COL19A1: variants seen among roughly 807,000 people sequenced by gnomAD.
COL19A1 encodes collagen alpha-1(XIX) chain.
COL19A1 carries 159 observed loss-of-function variants against 190.2 expected under a neutral mutation model. The ratio of observed to expected loss-of-function variants is 0.84; its 90% CI spans 0.73 to 0.95. The LOEUF is 0.95. COL19A1 is among the 40% of genes least tolerant of loss of function. The pLI, the probability that COL19A1 is intolerant of heterozygous loss-of-function variation, is 0.00. For missense variants in COL19A1, 1,418 were observed against 1,431.9 expected (o/e 0.99, Z 0.16); for synonymous variants, 509 against 458.9 (o/e 1.11, Z -1.39).
At chr6:70,200,297 T>C (rs891570699) in intron 49 of COL19A1, among the ~76,000 whole-genome samples, 3 of 152,236 alleles carry the variant, frequency 2.0e-5, no homozygotes, top group African/African-American at 7.2e-5. Flanking sequence ...CCAACTTATA[T>C]TGGCAAAGAA....
At chr6:69,963,546 C>T (rs1179239787) in intron 11 of COL19A1, among the ~76,000 whole-genome samples, 2 of 152,186 alleles carry the variant, frequency 1.3e-5, no homozygotes, top group East Asian at 1.9e-4. Context: ...GGGCAATAAA[C>T]ACCTCCATCC....
chr6:69,894,277 C>T (rs1386459434), intron 2 of COL19A1, among the ~76,000 whole-genome samples: 1 of 152,196 alleles, frequency 6.6e-6, no homozygotes, highest in African/African-American at 2.4e-5. Context: ...GCTTTGTGTG[C>T]TAACTGCAGC....
At chr6:70,050,916 G>T (rs1415575207) in intron 14 of COL19A1, among the ~76,000 whole-genome samples, 1 of 151,984 alleles carries the variant, frequency 6.6e-6, no homozygotes, top group Non-Finnish European at 1.5e-5. Context: ...GTCATATTTT[G>T]CAAAATAGAG....
intron 14 of COL19A1, among the ~76,000 whole-genome samples, chr6:70,064,988 C>T (rs576808908): frequency 8.2e-4 from 125 of 152,300 alleles, no homozygotes; most frequent in Middle Eastern, 3.4e-3. Flanking sequence ...ACATTCAATG[C>T]TCATGGAGAG....
intron 11 of COL19A1, among the ~76,000 whole-genome samples, chr6:69,999,080 A>G (rs115210750): frequency 0.04 from 6,063 of 151,284 alleles, 407 homozygotes; most frequent in African/African-American, 0.13. Flanking sequence ...GCACACCACC[A>G]CACTCGGATA....
intron 1 of COL19A1, among the ~76,000 whole-genome samples, chr6:69,873,265 C>A (rs77272118): frequency 2.0e-5 from 3 of 149,756 alleles, no homozygotes; most frequent in Non-Finnish European, 1.5e-5. Context: ...AAAAAAAAAA[C>A]GATCCTTAAT....
Position 70,190,363 on chromosome 6 carries a change from G to A in COL19A1, c.3076G>A (p.Val1026Ile), listed in dbSNP as rs753806304. ...EEIKKYINQEVLRIFEERMAV... is the reference protein window; with the variant it reads ...EEIKKYINQEILRIFEERMAV... ...AATAAAGAAGTATATTAATCAAGAG[G>A]TCCTAAGGATTTTTGAAGGTTAGAT... The change falls in exon 48 of 51, where the codon GTC becomes ATC. Residue 1026 changes from valine (V) to isoleucine (I), a missense_variant. By Grantham distance (29) the Val-to-Ile change is conservative. Transcript: ENST00000620364. The A allele has an allele frequency of 6.2e-7, 1 of 1,603,370 alleles. No homozygotes were observed. Among genetic ancestry groups the A allele is most frequent in the Non-Finnish European group, 8.5e-7 (1 of 1,173,546 alleles).
intron 15 of COL19A1, among the ~76,000 whole-genome samples, chr6:70,073,578 T>C (rs1205821386): frequency 6.6e-6 from 1 of 152,214 alleles, no homozygotes; most frequent in African/African-American, 2.4e-5. Context: ...CTTTTTTCAC[T>C]ACTACTCTGT....
chr6:69,919,222 G>A (rs146690900), intron 4 of COL19A1, among the ~76,000 whole-genome samples: 2 of 152,092 alleles, frequency 1.3e-5, no homozygotes, highest in Non-Finnish European at 2.9e-5. Context: ...TCTCTGCTCT[G>A]TGCTTTCCAA....
intron 18 of COL19A1, 123 bp downstream of exon 18, chr6:70,130,346 C>T (rs1582985240): frequency 1.4e-6 from 1 of 713,922 alleles, no homozygotes; most frequent in East Asian, 3.1e-5. Context: ...CTGCCTCAGC[C>T]TCCCAAGTAG....
chr6:70,168,750 C>A (rs376193658), intron 40 of COL19A1, 69 bp downstream of exon 40: 1 of 1,552,078 alleles, frequency 6.4e-7, no homozygotes, highest in Non-Finnish European at 8.8e-7. Flanking sequence ...AGAAAAGCAT[C>A]GGGCAAAATG....
chr6:69,984,521 G>A (rs1172605039), intron 11 of COL19A1, among the ~76,000 whole-genome samples: 2 of 151,640 alleles, frequency 1.3e-5, no homozygotes, highest in Non-Finnish European at 2.9e-5. Flanking sequence ...AGCATTTTTT[G>A]GTATTCATAA....
At chr6:70,080,346 G>A (rs1176742703) in intron 15 of COL19A1, among the ~76,000 whole-genome samples, 1 of 152,178 alleles carries the variant, frequency 6.6e-6, no homozygotes, top group Admixed American at 6.5e-5. Context: ...AAAGGGGCAG[G>A]CCTTGGGATA....
At chr6:70,144,775 G>A in intron 24 of COL19A1, 143 bp from the exon 25 acceptor site, 3 of 662,776 alleles carry the variant, frequency 4.5e-6, no homozygotes, top group Non-Finnish European at 8.2e-6. Context: ...TATTGAGTGA[G>A]TTGGTGAGTG....
At chr6:70,185,127 C>T (rs527598260) in intron 46 of COL19A1, among the ~76,000 whole-genome samples, 26 of 152,214 alleles carry the variant, frequency 1.7e-4, no homozygotes, top group Non-Finnish European at 3.5e-4. Flanking sequence ...CCTTTGTACA[C>T]AGCCAAGTAT....
intron 11 of COL19A1, among the ~76,000 whole-genome samples, chr6:69,979,784 T>C (rs1205545279): frequency 6.6e-6 from 1 of 151,614 alleles, no homozygotes; most frequent in Non-Finnish European, 1.5e-5. Context: ...TTTGTTTATT[T>C]TAGCCTTAAA....
intron 15 of COL19A1, among the ~76,000 whole-genome samples, chr6:70,096,114 C>G (rs920506434): frequency 6.8e-6 from 1 of 146,090 alleles, no homozygotes; most frequent in African/African-American, 2.6e-5. Flanking sequence ...GAGGGTCTCA[C>G]TCTGTCACCC....
At chr6:70,099,056 TAAAAAAAAA>T (rs5877239) in intron 15 of COL19A1, among the ~76,000 whole-genome samples, 1 of 75,888 alleles carries the variant, frequency 1.3e-5, no homozygotes, top group Non-Finnish European at 2.5e-5. Context: ...ACCCTGTCTC[TAAAAAAAAA>T]AAAAAAAAAA....
chr6:70,185,063 A>G (rs1766422561), intron 46 of COL19A1, 148 bp downstream of exon 46: 3 of 701,018 alleles, frequency 4.3e-6, no homozygotes, highest in South Asian at 2.9e-5. Flanking sequence ...TCTACCAGAC[A>G]TTAAATATGA....
Sources: gnomAD v4.1 joint callset for allele counts (sites outside exome capture counted in the v4.1 genomes callset) on GRCh38, gnomAD v4.1.1 for gene constraint, MANE v1.5 for transcripts, NCBI Gene and HGNC (gene_info 2026-07-23, HGNC 2026-07-21) for gene names.